The following CFLAR variants were observed in gnomAD, a reference collection of about 807,000 sequenced individuals.
The protein encoded by CFLAR is CASP8 and FADD-like apoptosis regulator.
CFLAR carries 14 observed loss-of-function variants against 51.1 expected under a neutral mutation model. The observed-to-expected ratio is 0.27, with a 90% CI of 0.18 to 0.43. CFLAR has a LOEUF of 0.43. Ranked by LOEUF, CFLAR falls within the 20% of genes least tolerant of loss-of-function variation. The pLI, the probability that CFLAR is intolerant of heterozygous loss-of-function variation, is 1.00. For missense variants in CFLAR, 390 were observed against 566.5 expected, an observed-to-expected ratio of 0.69 and a Z score of 3.16; for synonymous variants, 210 against 211.6, an observed-to-expected ratio of 0.99 and a Z score of 0.06.
intron 1 of CFLAR, among the ~76,000 whole-genome samples, chr2:201,126,772 T>G (rs1393743149): frequency 6.6e-6 from 1 of 152,198 alleles, no homozygotes; most frequent in Non-Finnish European, 1.5e-5. Context: ...GTTCCAGTAT[T>G]AAGTGTAATT....
intron 1 of CFLAR, among the ~76,000 whole-genome samples, chr2:201,126,492 C>T (rs907822185): frequency 6.6e-6 from 1 of 152,186 alleles, no homozygotes; most frequent in Non-Finnish European, 1.5e-5. Context: ...CTGTCTGGCT[C>T]TCTTAGCTAA....
intron 9 of CFLAR, among the ~76,000 whole-genome samples, chr2:201,161,292 G>A (rs933068720): frequency 7.9e-5 from 12 of 152,148 alleles, no homozygotes; most frequent in Non-Finnish European, 1.8e-4. Flanking sequence ...GATTGCTTGA[G>A]CCCAGGAGTT....
intron 4 of CFLAR, chr2:201,137,624 A>G: frequency 1.3e-6 from 1 of 756,618 alleles, no homozygotes; most frequent in Non-Finnish European, 2.4e-6. Context: ...TCATGGACCG[A>G]AGGACAGACA....
intron 8 of CFLAR, among the ~76,000 whole-genome samples, chr2:201,152,506 T>A (rs540097885): frequency 3.3e-4 from 51 of 152,252 alleles, no homozygotes; most frequent in African/African-American, 1.2e-3. Flanking sequence ...ACTAGCATTA[T>A]TTCCTCATTT....
intron 1 of CFLAR, among the ~76,000 whole-genome samples, chr2:201,127,956 C>T (rs1178404744): frequency 6.6e-6 from 1 of 151,946 alleles, no homozygotes; most frequent in Non-Finnish European, 1.5e-5. Context: ...CTCTTGGTGG[C>T]ATTGTTATAT....
intron 8 of CFLAR, chr2:201,150,301 TG>T (rs1218412257): frequency 1.3e-5 from 2 of 151,240 alleles, no homozygotes; most frequent in African/African-American, 4.9e-5. Flanking sequence ...ACCACCGCAC[TG>T]TAGCCTGGGT....
At chr2:201,130,271 C>A in intron 2 of CFLAR, 125 bp downstream of exon 2, 1 of 757,090 alleles carries the variant, frequency 1.3e-6, no homozygotes, top group Non-Finnish European at 2.0e-6. Flanking sequence ...CCCACTTATC[C>A]AACTGCCAGA....
rs1360060089 is a variant in CFLAR, at chr2:201,169,552, G to C, written c.*5579G>C. On this transcript the variant is annotated 3_prime_UTR_variant, in exon 10 of 10. Transcript: ENST00000309955. ...ATTCAAGACATAGGCACAAGCAAAG[G>C]TTTCATGACAAAAACATCAAAAGCA... 2.6e-5 allele frequency: 4 copies of C among 152,008 alleles called. No individual in the cohort carries two copies. Among genetic ancestry groups the C allele is most frequent in the Non-Finnish European group, 5.9e-5 (4 of 67,994 alleles). The allele number at this position is 152,008 out of a possible 1,614,324, so 9.4% of individuals were successfully genotyped here.
rs1439262346 is a variant in CFLAR at position 201,116,836 on chromosome 2, C to T, written c.-138+355C>T. 1.3e-5 allele frequency: 2 copies of T among 152,342 alleles called. No homozygotes were observed. Among genetic ancestry groups the T allele is most frequent in the Non-Finnish European group, 2.9e-5 (2 of 68,138 alleles). 9.4% of individuals were successfully genotyped at this position (152,342 alleles called of 1,614,324 possible). ...GATTCCCAGAAAGGGGCGACCTGGGCCACAGCGGTACAAGCTGCACCCCGA... is the reference window on the plus strand; with the variant it reads ...GATTCCCAGAAAGGGGCGACCTGGGTCACAGCGGTACAAGCTGCACCCCGA... On this transcript the variant is annotated intron_variant, in intron 1 of 9. Transcript: ENST00000309955. The surrounding 1 kb of genome is among the most constrained non-coding windows in gnomAD (Gnocchi z 4.8).
rs1347825175 is a variant in CFLAR, at chr2:201,170,452, C to A, written c.*6479C>A. On this transcript the variant is annotated 3_prime_UTR_variant, in exon 10 of 10. Transcript: ENST00000309955. ...AAGAATGTCATAAATGGATGTTTCT[C>A]CATGGATGAAGGAACTGTTTTATTC... 1 of 152,114 alleles carries A rather than the reference C, an allele frequency of 6.6e-6. No homozygotes were observed. The highest frequency in any genetic ancestry group is 1.5e-5 in the Non-Finnish European group (1 of 68,010). 9.4% of individuals were successfully genotyped at this position (152,114 alleles called of 1,614,324 possible).
At chr2:201,163,129 C>G in intron 9 of CFLAR, 1 of 775,238 alleles carries the variant, frequency 1.3e-6, no homozygotes, top group South Asian at 1.5e-5. Context: ...CTGAATTCTC[C>G]CTGACACTGC....
Position 201,133,900 on chromosome 2 carries a change from C to T in CFLAR, c.387+766C>T, listed in dbSNP as rs570369437. 2.4e-3 allele frequency among the ~76,000 whole-genome samples: 318 copies of T among 133,186 alleles called. 1 individual carries two copies. Among genetic ancestry groups the T allele is most frequent in the African/African-American group, 8.2e-3 (290 of 35,156 alleles). The allele number at this position is 133,186 out of a possible 152,430, so 87.4% of individuals were successfully genotyped here. A position where few individuals can be genotyped will look rare whatever the true frequency, so the allele number is the denominator to read the frequency against. ...GAGCTGAGATGGCGCCACTGCACTC[C>T]AGCCTGGGTGACAGCAAGACTCCAT... is the stretch of plus-strand genomic sequence containing the variant. On this transcript the variant is annotated intron_variant, in intron 3 of 9. Transcript: ENST00000309955.
chr2:201,145,909 A>T (rs939747519), intron 6 of CFLAR, among the ~76,000 whole-genome samples: 11 of 152,146 alleles, frequency 7.2e-5, no homozygotes, highest in Non-Finnish European at 1.5e-4. Context: ...AACCCGCATG[A>T]GCTGTTTTCT....
chr2:201,123,482 G>A (rs1474701038), intron 1 of CFLAR, among the ~76,000 whole-genome samples: 1 of 152,202 alleles, frequency 6.6e-6, no homozygotes, highest in Non-Finnish European at 1.5e-5. Flanking sequence ...GGAATGCTGT[G>A]TCTTAACATG....
Position 201,150,945 on chromosome 2 carries a change from A to T in CFLAR, c.793+1110A>T, listed in dbSNP as rs11891507. ...TCTTGCCTTTTCTTTTGGATGCTGA[A>T]GCAGGGAGGAGTCCTGGAACCCAGA... On this transcript the variant is annotated intron_variant, in intron 8 of 9. Coordinates refer to ENST00000309955, the MANE Select transcript of CFLAR (RefSeq NM_003879.7). Among the ~76,000 whole-genome samples, 346 of 152,326 alleles carry T rather than the reference A, an allele frequency of 2.3e-3. 1 individual carries two copies. Among genetic ancestry groups the T allele is most frequent in the African/African-American group, 7.6e-3 (317 of 41,562 alleles).
intron 1 of CFLAR, among the ~76,000 whole-genome samples, chr2:201,120,285 A>G (rs987998429): frequency 1.3e-5 from 2 of 151,760 alleles, no homozygotes; most frequent in Non-Finnish European, 2.9e-5. Flanking sequence ...TCCTGGGTTC[A>G]AGTGATTCTC....
intron 6 of CFLAR, chr2:201,146,745 G>C (rs529842345): frequency 6.6e-6 from 1 of 152,248 alleles, no homozygotes; most frequent in Non-Finnish European, 1.5e-5. Flanking sequence ...AATCTGTCCT[G>C]TGTGTGGTGG....
Position 201,138,189 on chromosome 2 carries a change from G to T in CFLAR, c.523+2082G>T. On this transcript the variant is annotated intron_variant, in intron 4 of 9. Transcript: ENST00000309955. This position sits in a 1 kb window ranked among gnomAD's most constrained non-coding sequence, Gnocchi z 4.0. Reference sequence around the variant, plus strand: ...ATCACCTGGAGGTGGGGTTACTTTTGTTTGATGTAATGCACCATGGCGATC... The same window carrying T: ...ATCACCTGGAGGTGGGGTTACTTTTTTTTGATGTAATGCACCATGGCGATC... 1.0e-6 allele frequency: 1 copy of T among 987,892 alleles called. No individual in the cohort carries two copies. The highest frequency in any genetic ancestry group is 1.6e-6 in the Non-Finnish European group (1 of 613,880). 61.2% of individuals were successfully genotyped at this position (987,892 alleles called of 1,614,324 possible).
Position 201,175,693 on chromosome 2 carries a change from T to C in CFLAR, c.*11720T>C, listed in dbSNP as rs1944158314. 1 of 152,198 alleles carries C rather than the reference T, an allele frequency of 6.6e-6. No individual in the cohort carries two copies. The highest frequency in any genetic ancestry group is 1.5e-5 in the Non-Finnish European group (1 of 68,034). The allele number at this position is 152,198 out of a possible 1,614,324, so 9.4% of individuals were successfully genotyped here. On this transcript the variant is annotated 3_prime_UTR_variant, in exon 10 of 10. Transcript: ENST00000309955. ...TGTTACTGGTGGACGGTATCCAAGT[T>C]ACTGGTGGTAAATCTGCAGCAACCT...
Sources: gnomAD v4.1 joint callset for allele counts (sites outside exome capture counted in the v4.1 genomes callset) on GRCh38, gnomAD v4.1.1 for gene constraint, Gnocchi (gnomAD v3.1) non-coding constraint, MANE v1.5 for transcripts, NCBI Gene and HGNC (gene_info 2026-07-23, HGNC 2026-07-21) for gene names.